The following IK variants were observed in gnomAD, a reference collection of about 807,000 sequenced individuals.
IK encodes the protein protein Red.
Under a neutral mutation model 90.9 loss-of-function variants are expected in IK, and 47 were observed. That is an observed-to-expected ratio of 0.52 (90% confidence interval 0.41 to 0.66). The LOEUF (loss-of-function observed/expected upper bound fraction) is 0.66. IK is among the 30% of genes least tolerant of loss of function. The pLI, the probability that IK is intolerant of heterozygous loss-of-function variation, is 0.00. For synonymous variants in IK, 201 were observed against 227.5 expected, an observed-to-expected ratio of 0.88 and a Z score of 1.05; for missense variants, 385 against 709.3, an observed-to-expected ratio of 0.54 and a Z score of 5.19.
intron 4 of IK, among the ~76,000 whole-genome samples, chr5:140,652,708 T>C (rs1757636156): frequency 6.6e-6 from 1 of 152,112 alleles, no homozygotes; most frequent in Non-Finnish European, 1.5e-5. Flanking sequence ...CTATAGAGAA[T>C]TGGTAGAGTT....
Position 140,648,046 on chromosome 5 carries a change from ATGTATG to A in IK, c.16+124_16+129del, listed in dbSNP as rs1361112371. 243 of 128,442 alleles carry A rather than the reference ATGTATG, an allele frequency of 1.9e-3. 6 individuals are homozygous for A. The highest frequency in any genetic ancestry group is 8.7e-3 in the African/African-American group (177 of 20,330). The allele number at this position is 128,442 out of a possible 1,614,324, so 8.0% of individuals were successfully genotyped here. ...TGTGTGTGTGTGTGTGTGTGTGTGT[ATGTATG>A]TATGTGTGACGCTTGAGCCCGGAGA... On this transcript the variant is annotated intron_variant, in intron 1 of 19. Transcript: ENST00000417647.
In IK at chr5:140,650,170, A is replaced by G. The variant is rs1757590129; in HGVS notation, c.84-1544A>G. 2.0e-5 allele frequency among the ~76,000 whole-genome samples: 3 copies of G among 152,188 alleles called. No homozygotes were observed. The South Asian group carries it at 6.2e-4, about 31-fold the overall frequency. On this transcript the variant is annotated intron_variant, in intron 2 of 19. Transcript: ENST00000417647. ...AGTTGCTTTTAGTAATTTTCTATAA[A>G]TTCTCACTTGTCCCTGTTGTATTCG...
At position 140,647,874 on chromosome 5, in the gene IK, T is replaced by G; in HGVS notation, c.-35T>G. 6.2e-7 allele frequency: 1 copy of G among 1,613,700 alleles called. No individual in the cohort carries two copies. The highest frequency in any genetic ancestry group is 8.5e-7 in the Non-Finnish European group (1 of 1,179,638). The stretch of plus-strand genomic sequence containing the variant: ...TCGCTGCGGTGTTGCTGTTGGAGAC[T>G]CGATTGTTGGTGACAGCGAAAGAAC... On this transcript the variant is annotated 5_prime_UTR_variant, in exon 1 of 20. Coordinates refer to ENST00000417647, the MANE Select transcript of IK (RefSeq NM_006083.4).
chr5:140,659,197 A>C (rs1185697312), intron 12 of IK, 33 bp downstream of exon 12: 7 of 1,598,400 alleles, frequency 4.4e-6, no homozygotes, highest in Non-Finnish European at 6.0e-6. Context: ...CAGGTGATGG[A>C]GTTGCCCCTC....
chr5:140,648,472 T>C lies in IK; in HGVS notation c.18T>C (p.Ser6=). 1 of 1,613,990 alleles carries C rather than the reference T, an allele frequency of 6.2e-7. No homozygotes were observed. The highest frequency in any genetic ancestry group is 8.5e-7 in the Non-Finnish European group (1 of 1,179,844). The change falls in exon 2 of 20, where the codon AGT becomes AGC. Residue 6 remains serine (S), a splice_region_variant and synonymous_variant. Transcript: ENST00000417647. MPERD[S]EPFSNPLAPD... is the part of the protein sequence containing the mutation. The stretch of plus-strand genomic sequence containing the variant: ...ATTAACGTCAATTTTTTTTGTCAGG[T>C]GAGCCGTTCTCCAACCCTTTGGCCC...
chr5:140,657,820 C>G, intron 10 of IK, 158 bp downstream of exon 10: 1 of 590,502 alleles, frequency 1.7e-6, no homozygotes, highest in Non-Finnish European at 3.0e-6. Flanking sequence ...CAGTTACAGC[C>G]AGATTCTGTC....
intron 15 of IK, 125 bp downstream of exon 15, chr5:140,660,320 C>G: frequency 2.3e-6 from 1 of 426,838 alleles, no homozygotes; most frequent in South Asian, 2.2e-5. Flanking sequence ...TTTTTGGAGA[C>G]AGAGTCTCAC....
chr5:140,648,128 C>G (rs748761559), intron 1 of IK: 2 of 721,050 alleles, frequency 2.8e-6, no homozygotes, highest in Admixed American at 2.0e-5. Context: ...GTCCCCAGTC[C>G]TCACTCCTAC....
In IK at chr5:140,647,898, A is replaced by T. The variant is rs539275827; in HGVS notation, c.-11A>T. Reference sequence around the variant, plus strand: ...CTCGATTGTTGGTGACAGCGAAAGAACGATAACAAAATGCCGGAGCGAGAT... The same window carrying T: ...CTCGATTGTTGGTGACAGCGAAAGATCGATAACAAAATGCCGGAGCGAGAT... On this transcript the variant is annotated 5_prime_UTR_variant, in exon 1 of 20. Coordinates refer to ENST00000417647, the MANE Select transcript of IK (RefSeq NM_006083.4). 778 of 1,613,958 alleles carry T rather than the reference A, an allele frequency of 4.8e-4. 11 individuals are homozygous for T. The South Asian group carries it at 8.0e-3, about 17-fold the overall frequency.
rs748271757 is a variant in IK at position 140,657,543 on chromosome 5, G to A, written c.802-11G>A. 1 of 1,567,524 alleles carries A rather than the reference G, an allele frequency of 6.4e-7. No individual in the cohort carries two copies. Among genetic ancestry groups the A allele is most frequent in the South Asian group, 1.2e-5 (1 of 86,172 alleles). ...GAGTGGTTTAACATTCTTGTTTCTT[G>A]GTATTTTCAGGCCCAGACCACACTG... On this transcript the variant is annotated splice_polypyrimidine_tract_variant and intron_variant, in intron 9 of 19. Transcript: ENST00000417647.
At chr5:140,658,815 G>A in intron 11 of IK, 39 bp downstream of exon 11, 1 of 1,601,960 alleles carries the variant, frequency 6.2e-7, no homozygotes, top group Non-Finnish European at 8.5e-7. Flanking sequence ...CAGAGGGAGG[G>A]GGTCTGTACA....
In IK at chr5:140,651,696, C is replaced by CT. The variant is rs765649303; in HGVS notation, c.84-15dup. 1 of 1,414,420 alleles carries CT rather than the reference C, an allele frequency of 7.1e-7. No homozygotes were observed. Among genetic ancestry groups the CT allele is most frequent in the African/African-American group, 1.4e-5 (1 of 70,244 alleles). The allele number at this position is 1,414,420 out of a possible 1,614,324, so 87.6% of individuals were successfully genotyped here. On this transcript the variant is annotated splice_polypyrimidine_tract_variant and intron_variant, in intron 2 of 19. Coordinates refer to ENST00000417647, the MANE Select transcript of IK (RefSeq NM_006083.4). The stretch of plus-strand genomic sequence containing the variant: ...CTTATTGAGTCCTAATATTTAAAAT[C>CT]TTTGCCTTTTCTTCTAGATCAAAAC...
chr5:140,652,967 C>G lies in IK; in HGVS notation c.237-10C>G. 6.2e-7 allele frequency: 1 copy of G among 1,612,706 alleles called. No individual in the cohort carries two copies. The highest frequency in any genetic ancestry group is 8.5e-7 in the Non-Finnish European group (1 of 1,179,722). On this transcript the variant is annotated splice_polypyrimidine_tract_variant and intron_variant, in intron 4 of 19. Transcript: ENST00000417647. ...ATGAGCCTTATACATTTGCCTTTCT[C>G]TGGTCACAGTTATTATGCCAAGCTA... is the stretch of plus-strand genomic sequence containing the variant.
chr5:140,648,161 T>A, intron 1 of IK: 1 of 708,400 alleles, frequency 1.4e-6, no homozygotes, highest in Non-Finnish European at 2.6e-6. Flanking sequence ...TGGGCGGCTT[T>A]TGTGCGTGGA....
At chr5:140,660,653 AG>A in intron 15 of IK, 104 bp from the exon 16 acceptor site, 1 of 827,664 alleles carries the variant, frequency 1.2e-6, no homozygotes, top group Non-Finnish European at 2.1e-6. Context: ...TGGGAGGTCT[AG>A]GGGGTGGTCA....
chr5:140,658,427 CTT>C (rs1448435763), intron 10 of IK, among the ~76,000 whole-genome samples: 1 of 152,206 alleles, frequency 6.6e-6, no homozygotes, highest in African/African-American at 2.4e-5. Context: ...AAGCAATTCT[CTT>C]GCCTCAGCCT....
At position 140,659,422 on chromosome 5, in the gene IK, G is replaced by T. The variant is rs572524626; in HGVS notation, c.1195+89G>T. 35 of 1,406,044 alleles carry T rather than the reference G, an allele frequency of 2.5e-5. No homozygotes were observed. The African/African-American group carries it at 3.4e-4, about 14-fold the overall frequency. The allele number at this position is 1,406,044 out of a possible 1,614,324, so 87.1% of individuals were successfully genotyped here. On this transcript the variant is annotated intron_variant, in intron 13 of 19. Transcript: ENST00000417647. ...AGAGCTGGCAACGGTGGGATTGGGGGACCTCCTGGTTCTGGGTTCTTGTAA... is the reference window on the plus strand; with the variant it reads ...AGAGCTGGCAACGGTGGGATTGGGGTACCTCCTGGTTCTGGGTTCTTGTAA...
At position 140,653,908 on chromosome 5, in the gene IK, T is replaced by C. The variant is rs779651161; in HGVS notation, c.405-30T>C. On this transcript the variant is annotated intron_variant, in intron 5 of 19. Transcript: ENST00000417647. ...GTGATCCACCACGCCTGGACAGTACTGTTCTTATGTGGCCTCTTTCATTAT... is the reference window on the plus strand; with the variant it reads ...GTGATCCACCACGCCTGGACAGTACCGTTCTTATGTGGCCTCTTTCATTAT... 4.3e-6 allele frequency: 6 copies of C among 1,392,120 alleles called. No individual in the cohort carries two copies. In the South Asian group the frequency reaches 7.0e-5, roughly 16 times the overall value. 86.2% of individuals were successfully genotyped at this position (1,392,120 alleles called of 1,614,324 possible).
Position 140,660,754 on chromosome 5 carries a change from T to G in IK, c.1356-4T>G. The G allele has an allele frequency of 6.2e-7, 1 of 1,612,694 alleles. No individual in the cohort carries two copies. Among genetic ancestry groups the G allele is most frequent in the East Asian group, 2.2e-5 (1 of 44,882 alleles). On this transcript the variant is annotated splice_polypyrimidine_tract_variant and splice_region_variant and intron_variant, in intron 15 of 19. Coordinates refer to ENST00000417647, the MANE Select transcript of IK (RefSeq NM_006083.4). ...ACATCTGTTTAACTCTTGCTTCTCCTTAGGATGGATGACATGGCTGTGGAT... is the reference window on the plus strand; with the variant it reads ...ACATCTGTTTAACTCTTGCTTCTCCGTAGGATGGATGACATGGCTGTGGAT...
Sources: gnomAD v4.1 joint callset for allele counts (sites outside exome capture counted in the v4.1 genomes callset) on GRCh38, gnomAD v4.1.1 for gene constraint, MANE v1.5 for transcripts, NCBI Gene and HGNC (gene_info 2026-07-23, HGNC 2026-07-21) for gene names.